Variants in ADNP2 observed in about 807,000 individuals in gnomAD.
The protein encoded by ADNP2 is activity-dependent neuroprotector homeobox protein 2.
Under a neutral mutation model 16.4 loss-of-function variants are expected in ADNP2, and 8 were observed. The observed-to-expected ratio is 0.49, with a 90% CI of 0.29 to 0.88. The LOEUF (loss-of-function observed/expected upper bound fraction) is 0.88, where lower values mean the gene tolerates loss of function less well. Ranked by LOEUF, ADNP2 falls within the 40% of genes least tolerant of loss-of-function variation. The pLI is 0.09. For synonymous variants in ADNP2, 637 were observed against 545.8 expected (o/e 1.17, Z -2.33); for missense variants, 1,397 against 1,395.1 (o/e 1.00, Z -0.02).
Position 80,117,641 on chromosome 18 carries a change from G to A in ADNP2, c.99G>A (p.Glu33=). 6.2e-7 allele frequency: 1 copy of A among 1,601,594 alleles called. No homozygotes were observed. Among genetic ancestry groups the A allele is most frequent in the South Asian group, 1.1e-5 (1 of 88,558 alleles). The change falls in exon 2 of 4, where the codon GAG becomes GAA. Residue 33 remains glutamate (E), a synonymous_variant. Transcript: ENST00000262198. Reference sequence around the variant, plus strand: ...ATATTGGGCTTGACAGCTGCAAGGAGTTACTGAAGGTAAGAGGACGTAAGT... The same window carrying A: ...ATATTGGGCTTGACAGCTGCAAGGAATTACTGAAGGTAAGAGGACGTAAGT... ...LVDIGLDSCK[E]LLKDLKGFDP...
intron 2 of ADNP2, among the ~76,000 whole-genome samples, chr18:80,128,707 T>C (rs1182483381): frequency 1.3e-5 from 2 of 152,198 alleles, no homozygotes; most frequent in East Asian, 3.8e-4. Context: ...TGTCTTTTTC[T>C]TGTTAGTTCT....
At chr18:80,128,771 C>T (rs528121543) in intron 2 of ADNP2, among the ~76,000 whole-genome samples, 49 of 152,154 alleles carry the variant, frequency 3.2e-4, no homozygotes, top group African/African-American at 1.1e-3. Context: ...ATTGTATTAA[C>T]TATTTTTCTG....
At position 80,138,442 on chromosome 18, in the gene ADNP2, A is replaced by G; in HGVS notation, c.3029A>G (p.Lys1010Arg). Residue 1010 changes from lysine (K) to arginine (R), a missense_variant, in exon 4 of 4, where the codon AAG (lysine) becomes AGG (arginine). By Grantham distance (26) the Lys-to-Arg change is conservative. Transcript: ENST00000262198. ...GCCGATGCAGCCCCGGGTCCAGAAA[A>G]GGTGACGAGTGTTGTGCCTTTTAAA... Reference protein sequence around the residue: ...LNADAAPGPEKVTSVVPFKRQ... With the variant: ...LNADAAPGPERVTSVVPFKRQ... 1.2e-6 allele frequency: 2 copies of G among 1,614,064 alleles called. No homozygotes were observed. The highest frequency in any genetic ancestry group is 1.1e-5 in the South Asian group (1 of 91,084).
At chr18:80,115,325 A>G (rs1250667106) in intron 1 of ADNP2, among the ~76,000 whole-genome samples, 1 of 152,070 alleles carries the variant, frequency 6.6e-6, no homozygotes, top group Non-Finnish European at 1.5e-5. Flanking sequence ...TGTCTTTACC[A>G]TGCTCCAGCC....
In ADNP2 at chr18:80,140,158, G is replaced by A. The variant is rs1188651603; in HGVS notation, c.*1349G>A. 1 of 152,072 alleles carries A rather than the reference G, an allele frequency of 6.6e-6. No individual in the cohort carries two copies. The highest frequency in any genetic ancestry group is 1.5e-5 in the Non-Finnish European group (1 of 68,000). 9.4% of individuals were successfully genotyped at this position (152,072 alleles called of 1,614,324 possible). ...TCTGAGAAACATAATGTTACTATGT[G>A]GATTTTAAAAAATATAATACTTGCA... On this transcript the variant is annotated 3_prime_UTR_variant, in exon 4 of 4. Transcript: ENST00000262198.
chr18:80,110,084 G>T (rs2052348053), intron 1 of ADNP2: 1 of 152,260 alleles, frequency 6.6e-6, no homozygotes, highest in Non-Finnish European at 1.5e-5. Flanking sequence ...AAGGTTTGAA[G>T]AACAGCTGAT....
At position 80,136,134 on chromosome 18, in the gene ADNP2, A is replaced by G. The variant is rs199744185; in HGVS notation, c.721A>G (p.Arg241Gly). Residue 241 changes from arginine (R) to glycine (G), a missense_variant, in exon 4 of 4, where the codon AGA becomes GGA. Arg to Gly is a moderately radical substitution (Grantham distance 125, BLOSUM62 -2). Coordinates refer to ENST00000262198, the MANE Select transcript of ADNP2 (RefSeq NM_014913.4). ...TCACATTTTGACATCAGACATACACAGAGATTTGGAGAATAAGCTTAGATC... is the reference window on the plus strand; with the variant it reads ...TCACATTTTGACATCAGACATACACGGAGATTTGGAGAATAAGCTTAGATC... ...MYHILTSDIH[R>G]DLENKLRSVI... The G allele has an allele frequency of 6.2e-7, 1 of 1,614,038 alleles. No homozygotes were observed. Among genetic ancestry groups the G allele is most frequent in the East Asian group, 2.2e-5 (1 of 44,884 alleles).
In ADNP2 at chr18:80,138,323, T is replaced by C. The variant is rs1026092446; in HGVS notation, c.2910T>C (p.His970=). 2 of 1,614,006 alleles carry C rather than the reference T, an allele frequency of 1.2e-6. No individual in the cohort carries two copies. The highest frequency in any genetic ancestry group is 2.7e-5 in the African/African-American group (2 of 74,934). The change falls in exon 4 of 4, where the codon CAT becomes CAC. Residue 970 remains histidine (H), a synonymous_variant. Transcript: ENST00000262198. ...TTTTAGTCAGTGGTGAAGTGATGCA[T>C]GATTCCAGTTTTTCTGTTAAGAGAA... ...ELLLVSGEVM[H]DSSFSVKRKL...
Position 80,133,208 on chromosome 18 carries a change from A to G in ADNP2, c.198+16A>G, listed in dbSNP as rs771193997. ...AAAGAAAGTGGTATGTATTTTTTGC[A>G]TTTGTTTTTCATGTTTCCTCAAAAG... On this transcript the variant is annotated intron_variant, in intron 3 of 3. Transcript: ENST00000262198. The G allele has an allele frequency of 7.1e-5, 114 of 1,597,044 alleles. 3 individuals are homozygous for G. In the Admixed American group the frequency reaches 1.8e-3, roughly 25 times the overall value.
At chr18:80,110,514 C>G (rs2052350916) in intron 1 of ADNP2, among the ~76,000 whole-genome samples, 1 of 151,906 alleles carries the variant, frequency 6.6e-6, no homozygotes, top group African/African-American at 2.4e-5. Flanking sequence ...GCATCTGCCA[C>G]GCAGAGCCTT....
Position 80,136,325 on chromosome 18 carries a change from C to G in ADNP2, c.912C>G (p.Ala304=). 6.2e-7 allele frequency: 1 copy of G among 1,614,144 alleles called. No homozygotes were observed. The highest frequency in any genetic ancestry group is 1.3e-5 in the African/African-American group (1 of 75,074). Residue 304 remains alanine, a synonymous_variant, in exon 4 of 4, where the codon GCC becomes GCG. Coordinates refer to ENST00000262198, the MANE Select transcript of ADNP2 (RefSeq NM_014913.4). ...LALPQNSPSP[A]AGQPVTVAQG... is the part of the protein sequence containing the mutation. ...TGCCACAGAACAGTCCAAGCCCAGC[C>G]GCAGGACAGCCAGTGACTGTGGCCC...
intron 2 of ADNP2, among the ~76,000 whole-genome samples, chr18:80,124,274 C>T (rs1242928715): frequency 2.0e-5 from 3 of 152,052 alleles, no homozygotes. Flanking sequence ...CTCATTTTTC[C>T]TGAGATGGAA....
chr18:80,136,498 C>T lies in ADNP2; in HGVS notation c.1085C>T (p.Pro362Leu), dbSNP rs749832856. The change falls in exon 4 of 4, where the codon CCA becomes CTA. Residue 362 changes from proline to leucine, a missense_variant. Pro to Leu is a moderately conservative substitution (Grantham distance 98). Around this residue, in one of 3 missense-constraint regions of ADNP2, gnomAD observed 777 missense variants for 719.4 expected, o/e 1.08. Transcript: ENST00000262198. ...CCCGTCTTTCTTTCTCACGGGGTTCCACTTCATCAGTCTGTGAATCCTCCT... is the reference window on the plus strand; with the variant it reads ...CCCGTCTTTCTTTCTCACGGGGTTCTACTTCATCAGTCTGTGAATCCTCCT... The part of the protein sequence containing the change: ...PQPVFLSHGV[P>L]LHQSVNPPVL... 2 of 1,614,224 alleles carry T rather than the reference C, an allele frequency of 1.2e-6. No individual in the cohort carries two copies. Among genetic ancestry groups the T allele is most frequent in the South Asian group, 2.2e-5 (2 of 91,090 alleles).
At chr18:80,125,671 TGTG>T (rs947826100) in intron 2 of ADNP2, among the ~76,000 whole-genome samples, 1 of 149,230 alleles carries the variant, frequency 6.7e-6, no homozygotes, top group South Asian at 2.1e-4. Context: ...AATAGCCAGG[TGTG>T]GTGGTGTGCG....
In ADNP2 at chr18:80,140,306, G is replaced by T; in HGVS notation, c.*1497G>T. 1 of 152,266 alleles carries T rather than the reference G, an allele frequency of 6.6e-6. No homozygotes were observed. The highest frequency in any genetic ancestry group is 6.6e-5 in the Admixed American group (1 of 15,246). 9.4% of individuals were successfully genotyped at this position (152,266 alleles called of 1,614,324 possible). On this transcript the variant is annotated 3_prime_UTR_variant, in exon 4 of 4. Coordinates refer to ENST00000262198, the MANE Select transcript of ADNP2 (RefSeq NM_014913.4). ...TTTTTTTTTTTACCTATTGTTTTCA[G>T]AGTGTCTATTTTGAATTAAAATTTG...
At chr18:80,125,653 TAAAAA>T (rs1283550005) in intron 2 of ADNP2, among the ~76,000 whole-genome samples, 1 of 148,932 alleles carries the variant, frequency 6.7e-6, no homozygotes, top group African/African-American at 2.5e-5. Flanking sequence ...AAAAAAAAAA[TAAAAA>T]AAAATAGCCA....
At chr18:80,113,957 G>A (rs963434449) in intron 1 of ADNP2, among the ~76,000 whole-genome samples, 2 of 152,098 alleles carry the variant, frequency 1.3e-5, no homozygotes, top group Non-Finnish European at 2.9e-5. Flanking sequence ...TTGAGAGGCT[G>A]ACGGGGAGGA....
rs1190349573 is a variant in ADNP2 at position 80,137,224 on chromosome 18, C to T, written c.1811C>T (p.Pro604Leu). ...TSGSILRQLI[P>L]TGKQVNGIPT... Reference sequence around the variant, plus strand: ...GGCTCTATTCTCAGACAGCTCATCCCTACAGGGAAACAAGTGAATGGGATT... The same window carrying T: ...GGCTCTATTCTCAGACAGCTCATCCTTACAGGGAAACAAGTGAATGGGATT... The change falls in exon 4 of 4, where the codon CCT becomes CTT. Residue 604 changes from proline to leucine, a missense_variant. Pro to Leu is a moderately conservative substitution (Grantham distance 98). Coordinates refer to ENST00000262198, the MANE Select transcript of ADNP2 (RefSeq NM_014913.4). The surrounding 1 kb of genome is among the most constrained non-coding windows in gnomAD (Gnocchi z 4.2). The T allele has an allele frequency of 1.2e-6, 2 of 1,614,264 alleles. No homozygotes were observed. Among genetic ancestry groups the T allele is most frequent in the East Asian group, 2.2e-5 (1 of 44,892 alleles).
intron 1 of ADNP2, among the ~76,000 whole-genome samples, chr18:80,117,316 C>T (rs1242759190): frequency 6.6e-6 from 1 of 152,092 alleles, no homozygotes; most frequent in Non-Finnish European, 1.5e-5. Flanking sequence ...TTAGGTCTTA[C>T]ATACAGGTGT....
Sources: allele counts gnomAD v4.1 joint callset (sites outside exome capture counted in the v4.1 genomes callset), GRCh38; gene constraint gnomAD v4.1.1; regional missense constraint gnomAD v4.1.1; non-coding constraint Gnocchi (gnomAD v3.1); transcripts MANE v1.5; gene names NCBI Gene and HGNC (gene_info 2026-07-23, HGNC 2026-07-21).